The following ROCK2 variants were observed in gnomAD, a reference collection of about 807,000 sequenced individuals.
ROCK2 encodes Rho associated coiled-coil containing protein kinase 2.
A neutral mutation model predicts 195.1 loss-of-function variants in ROCK2; 61 were observed. The observed-to-expected ratio is 0.31, with a 90% CI of 0.25 to 0.39. ROCK2 has a LOEUF of 0.39. ROCK2 is among the 10% of genes least tolerant of loss of function. ROCK2 has a pLI of 1.00. For synonymous variants in ROCK2, 504 were observed against 545.5 expected, an observed-to-expected ratio of 0.92 and a Z score of 1.06; for missense variants, 1,109 against 1,637.4, an observed-to-expected ratio of 0.68 and a Z score of 5.57.
Position 11,208,306 on chromosome 2 carries a change from T to C in ROCK2, c.2345A>G (p.Lys782Arg). The C allele has an allele frequency of 2.7e-6, 4 of 1,454,626 alleles. No homozygotes were observed. The highest frequency in any genetic ancestry group is 3.7e-6 in the Non-Finnish European group (4 of 1,088,202). The allele number at this position is 1,454,626 out of a possible 1,614,324, so 90.1% of individuals were successfully genotyped here. A position where few individuals can be genotyped will look rare whatever the true frequency, so the allele number is the denominator to read the frequency against. Residue 782 changes from lysine to arginine, a missense_variant, in exon 19 of 33, where the codon AAA (lysine) becomes AGA (arginine). Around this residue, in one of 6 missense-constraint regions of ROCK2, gnomAD observed 542 missense variants for 672.0 expected, o/e 0.81. Coordinates refer to ENST00000315872, the MANE Select transcript of ROCK2 (RefSeq NM_004850.5). Reference protein sequence around the residue: ...QQKINELLKQKDVLNEDVRNL... With the variant: ...QQKINELLKQRDVLNEDVRNL... ...ACTTACATCCTCATTTAGCACATCT[T>C]TCTGTTTAAGGAGCTCATTTATTTT... is the stretch of plus-strand genomic sequence containing the variant.
At chr2:11,284,267 G>A (rs1667110777) in intron 3 of ROCK2, among the ~76,000 whole-genome samples, 1 of 152,174 alleles carries the variant, frequency 6.6e-6, no homozygotes, top group East Asian at 1.9e-4. Context: ...AATAGGCACA[G>A]CACAGAGGAT....
intron 1 of ROCK2, among the ~76,000 whole-genome samples, chr2:11,317,755 T>A (rs1668269277): frequency 6.6e-6 from 1 of 150,870 alleles, no homozygotes; most frequent in African/African-American, 2.4e-5. Context: ...CCTAATGCTA[T>A]CCCTCCCCGC....
At chr2:11,271,678 T>C (rs191553396) in intron 3 of ROCK2, among the ~76,000 whole-genome samples, 2 of 152,278 alleles carry the variant, frequency 1.3e-5, no homozygotes, top group African/African-American at 2.4e-5. Context: ...TAGGATATAC[T>C]CAAGGGGTAT....
chr2:11,189,699 T>C (rs1461872771), intron 32 of ROCK2, among the ~76,000 whole-genome samples: 1 of 152,110 alleles, frequency 6.6e-6, no homozygotes. Flanking sequence ...AATGGAATAC[T>C]GGCCAGGCGT....
intron 1 of ROCK2, among the ~76,000 whole-genome samples, chr2:11,312,789 T>C (rs1668076099): frequency 6.6e-6 from 1 of 151,894 alleles, no homozygotes; most frequent in Non-Finnish European, 1.5e-5. Flanking sequence ...TATTCAGCAA[T>C]AAAAAGAAAT....
rs776989339 is a variant in ROCK2, at chr2:11,227,371, C to T, written c.751G>A (p.Val251Ile). 6.2e-7 allele frequency: 1 copy of T among 1,613,680 alleles called. No homozygotes were observed. Among genetic ancestry groups the T allele is most frequent in the South Asian group, 1.1e-5 (1 of 91,044 alleles). The change falls in exon 6 of 33, where the codon GTT becomes ATT. Residue 251 changes from valine (V) to isoleucine (I), a missense_variant. This residue lies in a region of ROCK2 where 253 missense variants were observed against 455.5 expected (regional missense o/e 0.56). Coordinates refer to ENST00000315872, the MANE Select transcript of ROCK2 (RefSeq NM_004850.5). ...ETGMVHCDTA[V>I]GTPDYISPEV... ...GGTGATATATAATCCGGTGTTCCAA[C>T]TGCTGTATCACAATGTACCATGCCT...
At chr2:11,343,185 A>G (rs1322620851) in intron 1 of ROCK2, among the ~76,000 whole-genome samples, 2 of 152,130 alleles carry the variant, frequency 1.3e-5, no homozygotes, top group Non-Finnish European at 2.9e-5. Context: ...ACTGCACACT[A>G]CTCAAATTGC....
intron 4 of ROCK2, among the ~76,000 whole-genome samples, chr2:11,240,099 T>C (rs983747377): frequency 6.6e-6 from 1 of 152,214 alleles, no homozygotes; most frequent in Non-Finnish European, 1.5e-5. Context: ...CCAGAGTTTC[T>C]ATAAGGGCCC....
chr2:11,199,303 T>C (rs1558284039), intron 23 of ROCK2, among the ~76,000 whole-genome samples: 1 of 111,024 alleles, frequency 9.0e-6, no homozygotes, highest in African/African-American at 2.8e-5. Context: ...CTTTATGTGA[T>C]TTTCTTTTTT....
intron 20 of ROCK2, among the ~76,000 whole-genome samples, chr2:11,202,779 A>T (rs1663910199): frequency 6.6e-6 from 1 of 152,212 alleles, no homozygotes; most frequent in Admixed American, 6.5e-5. Context: ...TACAGGCGTG[A>T]GCCACTGCAC....
chr2:11,220,581 C>T (rs916192581), intron 9 of ROCK2, among the ~76,000 whole-genome samples: 18 of 152,318 alleles, frequency 1.2e-4, no homozygotes, highest in Middle Eastern at 3.4e-3. Context: ...TCGAGTCCTC[C>T]AAACTGTAAT....
chr2:11,331,918 T>C (rs1389059486), intron 1 of ROCK2, among the ~76,000 whole-genome samples: 5 of 152,050 alleles, frequency 3.3e-5, no homozygotes, highest in African/African-American at 1.2e-4. Flanking sequence ...AGTGTGAGAC[T>C]GTCTCAACAA....
At chr2:11,202,247 A>G in intron 20 of ROCK2, 126 bp from the exon 21 acceptor site, 1 of 768,306 alleles carries the variant, frequency 1.3e-6, no homozygotes, top group Admixed American at 1.9e-5. Flanking sequence ...ATAAGGTCAA[A>G]TCATTTTCAT....
At chr2:11,318,669 C>T (rs1668304829) in intron 1 of ROCK2, among the ~76,000 whole-genome samples, 1 of 152,050 alleles carries the variant, frequency 6.6e-6, no homozygotes, top group African/African-American at 2.4e-5. Context: ...GACATGAAGT[C>T]CTTGCCCATG....
intron 15 of ROCK2, 36 bp from the exon 16 acceptor site, chr2:11,215,122 A>C (rs774331539): frequency 8.7e-6 from 14 of 1,610,736 alleles, no homozygotes; most frequent in African/African-American, 2.7e-5. Flanking sequence ...ACAACAAACA[A>C]ACACACATGT....
At chr2:11,322,500 G>A (rs1668432164) in intron 1 of ROCK2, among the ~76,000 whole-genome samples, 1 of 151,740 alleles carries the variant, frequency 6.6e-6, no homozygotes, top group Non-Finnish European at 1.5e-5. Context: ...CATTAGAAGA[G>A]CATCCATAAT....
intron 1 of ROCK2, among the ~76,000 whole-genome samples, chr2:11,320,354 A>T (rs1374306069): frequency 6.6e-6 from 1 of 152,168 alleles, no homozygotes; most frequent in African/African-American, 2.4e-5. Context: ...TTCTTTACCC[A>T]CTACCAGGTT....
intron 27 of ROCK2, among the ~76,000 whole-genome samples, chr2:11,196,840 T>C (rs1286290504): frequency 9.2e-5 from 14 of 152,114 alleles, no homozygotes; most frequent in African/African-American, 3.1e-4. Context: ...ATGGATTCCA[T>C]AGTGTGTGAC....
intron 3 of ROCK2, among the ~76,000 whole-genome samples, chr2:11,273,599 T>C (rs1323019513): frequency 1.3e-5 from 2 of 151,972 alleles, no homozygotes; most frequent in African/African-American, 4.8e-5. Context: ...AGTATGGAAA[T>C]ACAGTAAAGA....
Sources: allele counts gnomAD v4.1 joint callset (sites outside exome capture counted in the v4.1 genomes callset), GRCh38; gene constraint gnomAD v4.1.1; regional missense constraint gnomAD v4.1.1; transcripts MANE v1.5; gene names NCBI Gene and HGNC (gene_info 2026-07-23, HGNC 2026-07-21).